Variants in CPA4 observed in about 807,000 individuals in gnomAD.
The protein encoded by CPA4 is carboxypeptidase A4, also known as carboxypeptidase A3.
In CPA4, 49 loss-of-function variants were observed where a neutral mutation model predicts 54.7. That is an observed-to-expected ratio of 0.90 (90% CI 0.71 to 1.14). CPA4 has a LOEUF of 1.14. Among genes scored for constraint, CPA4 ranks in the 50% most tolerant of loss-of-function variants. CPA4 has a pLI of 0.00. For synonymous variants in CPA4, 215 were observed against 206.8 expected, an observed-to-expected ratio of 1.04 and a Z score of -0.34; for missense variants, 487 against 525.1, an observed-to-expected ratio of 0.93 and a Z score of 0.71.
At chr7:130,307,588 C>T (rs1305691194) in intron 7 of CPA4, among the ~76,000 whole-genome samples, 3 of 149,410 alleles carry the variant, frequency 2.0e-5, no homozygotes, top group Non-Finnish European at 3.0e-5. Flanking sequence ...GCCGAGATGG[C>T]GCCACTGCTC....
intron 10 of CPA4, among the ~76,000 whole-genome samples, chr7:130,318,609 C>G (rs1162595209): frequency 6.6e-6 from 1 of 152,090 alleles, no homozygotes; most frequent in African/African-American, 2.4e-5. Flanking sequence ...TGGGGTTTCT[C>G]CATGTTGGTC....
intron 10 of CPA4, among the ~76,000 whole-genome samples, chr7:130,316,129 C>T (rs1208721451): frequency 5.9e-5 from 9 of 152,082 alleles, no homozygotes; most frequent in South Asian, 4.2e-4. Flanking sequence ...TTGGTTGAGA[C>T]GTGTTTTGCT....
At position 130,299,306 on chromosome 7, in the gene CPA4, C is replaced by A; in HGVS notation, c.187C>A (p.Pro63Thr). ...FWKSPSSFNR[P>T]VDVLVPSVSL... ...GAAATCTCCCTCCTCCTTCAATCGGCCTGTGGATGTCCTGGTCCCATCTGT... is the reference window on the plus strand; with the variant it reads ...GAAATCTCCCTCCTCCTTCAATCGGACTGTGGATGTCCTGGTCCCATCTGT... The change falls in exon 3 of 11, where the codon CCT becomes ACT. Residue 63 changes from proline (P) to threonine (T), a missense_variant. Pro to Thr is a conservative substitution (Grantham distance 38). Transcript: ENST00000222482. 1 of 1,613,644 alleles carries A rather than the reference C, an allele frequency of 6.2e-7. No individual in the cohort carries two copies. Among genetic ancestry groups the A allele is most frequent in the Non-Finnish European group, 8.5e-7 (1 of 1,179,494 alleles).
At chr7:130,299,185 T>G (rs1481995827) in intron 2 of CPA4, 85 bp from the exon 3 acceptor site, 1 of 1,405,862 alleles carries the variant, frequency 7.1e-7, no homozygotes, top group Non-Finnish European at 1.0e-6. Flanking sequence ...TCACCCTGGC[T>G]TTTGGCAGTG....
chr7:130,317,545 C>T (rs1794008398), intron 10 of CPA4, among the ~76,000 whole-genome samples: 1 of 152,216 alleles, frequency 6.6e-6, no homozygotes, highest in Non-Finnish European at 1.5e-5. Context: ...TCACTGCAGC[C>T]TCGACTTCCC....
intron 10 of CPA4, 74 bp from the exon 11 acceptor site, chr7:130,322,415 A>T (rs1794123720): frequency 7.9e-7 from 1 of 1,260,486 alleles, no homozygotes; most frequent in Non-Finnish European, 1.1e-6. Context: ...CCAGGCAGGC[A>T]GAGCTCTTGG....
rs1170757690 is a variant in CPA4, at chr7:130,305,833, C to A, written c.504C>A (p.Gly168=). The A allele has an allele frequency of 1.9e-6, 3 of 1,614,094 alleles. No homozygotes were observed. The highest frequency in any genetic ancestry group is 1.7e-6 in the Non-Finnish European group (2 of 1,179,952). Residue 168 remains glycine, a synonymous_variant, in exon 6 of 11, where the codon GGC becomes GGA. Coordinates refer to ENST00000222482, the MANE Select transcript of CPA4 (RefSeq NM_016352.4). ...TTCTGCAGTTCAGCACTGGGAAAGG[C>A]GTGAGGCGGCCGGCCGTTTGGCTGA... ...MYVLKFSTGK[G]VRRPAVWLNA...
chr7:130,318,954 C>T (rs1289597493), intron 10 of CPA4, among the ~76,000 whole-genome samples: 1 of 152,180 alleles, frequency 6.6e-6, no homozygotes, highest in Non-Finnish European at 1.5e-5. Flanking sequence ...CCTTCTAAAA[C>T]AGAGCATGGA....
intron 6 of CPA4, among the ~76,000 whole-genome samples, chr7:130,306,439 A>T (rs1204596761): frequency 6.6e-6 from 1 of 152,254 alleles, no homozygotes; most frequent in Non-Finnish European, 1.5e-5. Context: ...TGTGGAGGAC[A>T]CATCTTCCTT....
intron 1 of CPA4, among the ~76,000 whole-genome samples, chr7:130,295,453 C>A (rs1793634007): frequency 6.6e-6 from 1 of 152,164 alleles, no homozygotes; most frequent in South Asian, 2.1e-4. Flanking sequence ...CCTGTGAATC[C>A]CAACACGTCC....
Position 130,298,809 on chromosome 7 carries a change from G to A in CPA4, c.132G>A (p.Val44=), listed in dbSNP as rs376243874. ...GDEISKLSQL[V]NSNNLKLNFW... is the part of the protein sequence containing the mutation. ...AGATCAGCAAATTGAGTCAACTAGT[G>A]AATTCAAACAACTTGAAGGTACCTG... The change falls in exon 2 of 11, where the codon GTG becomes GTA. Residue 44 remains valine (V), a synonymous_variant. Coordinates refer to ENST00000222482, the MANE Select transcript of CPA4 (RefSeq NM_016352.4). The A allele has an allele frequency of 6.2e-6, 10 of 1,607,680 alleles. No individual in the cohort carries two copies. Among genetic ancestry groups the A allele is most frequent in the African/African-American group, 1.3e-5 (1 of 74,944 alleles).
chr7:130,308,410 G>A lies in CPA4; in HGVS notation c.793+13G>A. The A allele has an allele frequency of 6.2e-7, 1 of 1,608,418 alleles. No individual in the cohort carries two copies. Among genetic ancestry groups the A allele is most frequent in the Non-Finnish European group, 8.5e-7 (1 of 1,174,808 alleles). ...GCTAGTTTTGCAGGTAGGCGGTGGG[G>A]AGACAGTTCTCAAATCCTGCTGTCC... On this transcript the variant is annotated intron_variant, in intron 8 of 10. Transcript: ENST00000222482.
rs1464024837 is a variant in CPA4, at chr7:130,310,183, C to T, written c.794-604C>T. Among the ~76,000 whole-genome samples the T allele has an allele frequency of 6.6e-6, 1 of 152,158 alleles. No homozygotes were observed. Among genetic ancestry groups the T allele is most frequent in the East Asian group, 1.9e-4 (1 of 5,194 alleles). Reference sequence around the variant, plus strand: ...ATACAAATGTGGGAACTCAGAGCTTCAAAGTTAAGTCAGATATTCCCACCA... The same window carrying T: ...ATACAAATGTGGGAACTCAGAGCTTTAAAGTTAAGTCAGATATTCCCACCA... On this transcript the variant is annotated intron_variant, in intron 8 of 10. Transcript: ENST00000222482. The surrounding 1 kb of genome is among the most constrained non-coding windows in gnomAD (Gnocchi z 4.3).
At position 130,324,067 on chromosome 7, in the gene CPA4, G is replaced by GT. The variant is rs1286232554; in HGVS notation, c.*1396dup. The stretch of plus-strand genomic sequence containing the variant: ...CCATCTGTCCTTTTGTTGTTGTTTT[G>GT]TTTTTGTTTTTTTGCTTTTACCAAA... On this transcript the variant is annotated 3_prime_UTR_variant, in exon 11 of 11. Transcript: ENST00000222482. The GT allele has an allele frequency of 7.2e-6, 1 of 138,178 alleles. No individual in the cohort carries two copies. The highest frequency in any genetic ancestry group is 2.2e-4 in the East Asian group (1 of 4,646). 8.6% of individuals were successfully genotyped at this position (138,178 alleles called of 1,614,324 possible).
chr7:130,315,245 G>A (rs945403659), intron 10 of CPA4, among the ~76,000 whole-genome samples: 1 of 152,070 alleles, frequency 6.6e-6, no homozygotes, highest in Non-Finnish European at 1.5e-5. Flanking sequence ...GAGGGGAAAC[G>A]AGAGGGGTTG....
chr7:130,312,060 C>T lies in CPA4; in HGVS notation c.1016C>T (p.Ala339Val). The T allele has an allele frequency of 1.2e-6, 2 of 1,614,158 alleles. No individual in the cohort carries two copies. The highest frequency in any genetic ancestry group is 1.7e-6 in the Non-Finnish European group (2 of 1,180,018). ...EELDKVARLA[A>V]KALASVSGTE... ...CAGGACAAGGTGGCGAGGCTTGCGGCCAAAGCTCTGGCTTCTGTGTCGGGC... is the reference window on the plus strand; with the variant it reads ...CAGGACAAGGTGGCGAGGCTTGCGGTCAAAGCTCTGGCTTCTGTGTCGGGC... Residue 339 changes from alanine (A) to valine (V), a missense_variant, in exon 10 of 11, where the codon GCC becomes GTC. Transcript: ENST00000222482.
In CPA4 at chr7:130,323,364, C is replaced by G. The variant is rs906540152; in HGVS notation, c.*688C>G. 6.6e-6 allele frequency: 1 copy of G among 152,078 alleles called. No homozygotes were observed. Among genetic ancestry groups the G allele is most frequent in the Non-Finnish European group, 1.5e-5 (1 of 68,130 alleles). The allele number at this position is 152,078 out of a possible 1,614,324, so 9.4% of individuals were successfully genotyped here. A position where few individuals can be genotyped will look rare whatever the true frequency, so the allele number is the denominator to read the frequency against. On this transcript the variant is annotated 3_prime_UTR_variant, in exon 11 of 11. Transcript: ENST00000222482. ...CCTCTTGAGTAGCTTGGTTTATAGG[C>G]GCATGCCACCATGCCTGGCTAATTT...
intron 10 of CPA4, among the ~76,000 whole-genome samples, chr7:130,314,158 T>C (rs1266881723): frequency 3.3e-5 from 5 of 152,182 alleles, no homozygotes; most frequent in African/African-American, 7.2e-5. Context: ...TAGTCAACTT[T>C]GTTAGTTTGG....
chr7:130,306,362 A>G (rs941812614), intron 6 of CPA4: 2 of 230,216 alleles, frequency 8.7e-6, no homozygotes, highest in Non-Finnish European at 8.5e-6. Context: ...CAGCCTGGGC[A>G]ACAGAGCAAG....
Sources: allele counts gnomAD v4.1 joint callset (sites outside exome capture counted in the v4.1 genomes callset), GRCh38; gene constraint gnomAD v4.1.1; non-coding constraint Gnocchi (gnomAD v3.1); transcripts MANE v1.5; gene names NCBI Gene and HGNC (gene_info 2026-07-23, HGNC 2026-07-21).